SHANK2: variants seen among roughly 807,000 people sequenced by gnomAD.
SHANK2 encodes SH3 and multiple ankyrin repeat domains protein 2.
In SHANK2, 43 loss-of-function variants were observed where a neutral mutation model predicts 133.7. The ratio of observed to expected loss-of-function variants is 0.32; its 90% CI spans 0.25 to 0.41. The LOEUF is 0.41. Among genes scored for constraint, SHANK2 ranks in the 10% least tolerant of loss-of-function variants. The probability of loss-of-function intolerance (pLI) is 1.00; values close to 1 mark genes in which losing one functional copy is unlikely to be tolerated. For missense variants in SHANK2, 1,994 were observed against 2,235.8 expected, an observed-to-expected ratio of 0.89 and a Z score of 2.18; for synonymous variants, 1,017 against 952.8, an observed-to-expected ratio of 1.07 and a Z score of -1.24.
At chr11:70,871,636 G>A (rs1555070200) in intron 11 of SHANK2, among the ~76,000 whole-genome samples, 1 of 152,216 alleles carries the variant, frequency 6.6e-6, no homozygotes, top group Non-Finnish European at 1.5e-5. Context: ...TTATAAATAT[G>A]ACCATATCCC....
At chr11:70,821,038 G>A (rs1948509919) in intron 11 of SHANK2, among the ~76,000 whole-genome samples, 1 of 152,204 alleles carries the variant, frequency 6.6e-6, no homozygotes, top group Non-Finnish European at 1.5e-5. Context: ...AGCAGAGAGG[G>A]CACTGAGCTG....
In SHANK2 at chr11:71,218,262, T is replaced by C. The variant is rs1462372592; in HGVS notation, c.-13+6435A>G. Among the ~76,000 whole-genome samples, 6 of 2,150 alleles carry C rather than the reference T, an allele frequency of 2.8e-3. No individual in the cohort carries two copies. In the Non-Finnish European group the frequency reaches 0.031, roughly 11 times the overall value. 1.4% of individuals were successfully genotyped at this position (2,150 alleles called of 152,430 possible). ...AGAAATTCTTCTAATTTTCTTTTTC[T>C]TTTTTTTTTTTTTTTTTTTGAGATG... On this transcript the variant is annotated intron_variant, in intron 2 of 25. Coordinates refer to ENST00000601538, the MANE Select transcript of SHANK2 (RefSeq NM_012309.5).
intron 11 of SHANK2, among the ~76,000 whole-genome samples, chr11:70,866,318 T>C (rs1295522960): frequency 6.6e-6 from 1 of 151,682 alleles, no homozygotes; most frequent in Non-Finnish European, 1.5e-5. Flanking sequence ...GGGGGAACCA[T>C]TTGGGAGGGA....
chr11:71,101,643 C>A (rs555469773), intron 6 of SHANK2, among the ~76,000 whole-genome samples: 3 of 152,194 alleles, frequency 2.0e-5, no homozygotes, highest in Non-Finnish European at 4.4e-5. Context: ...TCGCACTTGG[C>A]GATTCATTCA....
intron 25 of SHANK2, among the ~76,000 whole-genome samples, chr11:70,476,846 T>C (rs1555150205): frequency 6.6e-6 from 1 of 152,176 alleles, no homozygotes; most frequent in African/African-American, 2.4e-5. Context: ...GCCTTGGTGC[T>C]CACCAGGCCT....
intron 14 of SHANK2, among the ~76,000 whole-genome samples, chr11:70,731,829 C>T (rs542600845): frequency 3.3e-5 from 5 of 152,350 alleles, no homozygotes; most frequent in African/African-American, 9.6e-5. Flanking sequence ...GTGGCCTCCA[C>T]GCTGCGAGGT....
chr11:70,597,208 C>G lies in SHANK2; in HGVS notation c.2061+62620G>C, dbSNP rs544414041. On this transcript the variant is annotated intron_variant, in intron 17 of 25. Coordinates refer to ENST00000601538, the MANE Select transcript of SHANK2 (RefSeq NM_012309.5). ...CTCCTGGCACTCATGCCAGGCTCAG[C>G]ACCCGCCGCCAGGGGAAACTCCTCC... 1.3e-5 allele frequency among the ~76,000 whole-genome samples: 2 copies of G among 152,112 alleles called. 1 individual carries two copies. The highest frequency in any genetic ancestry group is 2.9e-5 in the Non-Finnish European group (2 of 68,020).
chr11:70,763,264 C>G (rs1000783996), intron 14 of SHANK2, among the ~76,000 whole-genome samples: 1 of 152,180 alleles, frequency 6.6e-6, no homozygotes, highest in Admixed American at 6.5e-5. Flanking sequence ...GCACCTGCCA[C>G]GTGCAGCAGC....
chr11:70,556,374 T>C (rs914203323), intron 17 of SHANK2, among the ~76,000 whole-genome samples: 3 of 137,654 alleles, frequency 2.2e-5, no homozygotes, highest in African/African-American at 2.7e-5. Flanking sequence ...ATTTATTTTC[T>C]CTCTGTCTCT....
chr11:71,204,539 G>A (rs782360811), intron 2 of SHANK2, among the ~76,000 whole-genome samples: 26 of 152,150 alleles, frequency 1.7e-4, no homozygotes, highest in Non-Finnish European at 3.2e-4. Flanking sequence ...TGAAGGCTGC[G>A]GCAAGGGACT....
chr11:70,611,015 T>C (rs1255482078), intron 17 of SHANK2, among the ~76,000 whole-genome samples: 1 of 152,180 alleles, frequency 6.6e-6, no homozygotes, highest in Non-Finnish European at 1.5e-5. Context: ...CCTGATCCCT[T>C]TGAACGTCCA....
intron 17 of SHANK2, among the ~76,000 whole-genome samples, chr11:70,556,788 C>T (rs983619800): frequency 6.6e-6 from 1 of 152,056 alleles, no homozygotes; most frequent in Non-Finnish European, 1.5e-5. Flanking sequence ...GATGGGGTTT[C>T]TCCATGTTGA....
intron 3 of SHANK2, among the ~76,000 whole-genome samples, chr11:71,140,686 C>T (rs1555105615): frequency 6.6e-6 from 1 of 152,216 alleles, no homozygotes; most frequent in African/African-American, 2.4e-5. Flanking sequence ...AACGCCAACC[C>T]GCAATGGCTC....
chr11:70,861,174 C>A (rs1364290110), intron 11 of SHANK2, among the ~76,000 whole-genome samples: 4 of 152,206 alleles, frequency 2.6e-5, no homozygotes, highest in Non-Finnish European at 5.9e-5. Context: ...AGGGTTTTAA[C>A]CCTGCAGTTG....
At chr11:70,591,551 A>T (rs7933412) in intron 17 of SHANK2, among the ~76,000 whole-genome samples, 46,496 of 144,182 alleles carry the variant, frequency 0.32, 7,311 homozygotes, top group East Asian at 0.49. Flanking sequence ...AAAGAAAAAG[A>T]AAAAGAAAAA....
chr11:70,614,305 T>C (rs61195439), intron 17 of SHANK2, among the ~76,000 whole-genome samples: 58,955 of 148,516 alleles, frequency 0.4, 12,168 homozygotes, highest in Middle Eastern at 0.49. Flanking sequence ...AGCCAGACAG[T>C]CTGTGGGTTT....
At chr11:70,940,168 TTC>T in intron 10 of SHANK2, among the ~76,000 whole-genome samples, 1 of 146,262 alleles carries the variant, frequency 6.8e-6, no homozygotes, top group Admixed American at 6.7e-5. Context: ...CCTTCCTTCC[TTC>T]CTTCCTTCCT....
chr11:70,526,589 C>T (rs2059400479), intron 17 of SHANK2, among the ~76,000 whole-genome samples: 1 of 152,218 alleles, frequency 6.6e-6, no homozygotes, highest in Non-Finnish European at 1.5e-5. Context: ...GTGTGCTTAG[C>T]CAGCGTATCC....
chr11:70,682,215 C>T (rs536463907), intron 15 of SHANK2, among the ~76,000 whole-genome samples: 72 of 152,262 alleles, frequency 4.7e-4, no homozygotes, highest in Middle Eastern at 3.4e-3. Context: ...AATATTTGAG[C>T]CATCTCCAGG....
Sources: gnomAD v4.1 joint callset for allele counts (sites outside exome capture counted in the v4.1 genomes callset) on GRCh38, gnomAD v4.1.1 for gene constraint, MANE v1.5 for transcripts, NCBI Gene and HGNC (gene_info 2026-07-23, HGNC 2026-07-21) for gene names.